DNAH9: variants seen among roughly 807,000 people sequenced by gnomAD.
The protein encoded by DNAH9 is dynein axonemal heavy chain 9.
DNAH9 carries 345 observed loss-of-function variants against 471.6 expected under a neutral mutation model. The observed-to-expected ratio is 0.73, with a 90% confidence interval of 0.67 to 0.80. The LOEUF (loss-of-function observed/expected upper bound fraction) is 0.80. Among genes scored for constraint, DNAH9 ranks in the 30% least tolerant of loss-of-function variants. The probability of loss-of-function intolerance (pLI) is 0.00; values close to 1 mark genes in which losing one functional copy is unlikely to be tolerated. For missense variants in DNAH9, 5,407 were observed against 5,609.2 expected (o/e 0.96, Z 1.15); for synonymous variants, 2,093 against 2,123.6 (o/e 0.99, Z 0.40).
intron 36 of DNAH9, among the ~76,000 whole-genome samples, chr17:11,764,369 T>G (rs952591744): frequency 7.2e-5 from 11 of 152,218 alleles, no homozygotes; most frequent in Admixed American, 3.9e-4. Flanking sequence ...TTAGGCATTA[T>G]TGTATGACAG....
At chr17:11,953,131 G>A (rs1312978649) in intron 67 of DNAH9, among the ~76,000 whole-genome samples, 1 of 152,154 alleles carries the variant, frequency 6.6e-6, no homozygotes, top group African/African-American at 2.4e-5. Context: ...TTCCAATACA[G>A]TCACATGGAG....
At chr17:11,662,733 C>T (rs767152374) in intron 14 of DNAH9, among the ~76,000 whole-genome samples, 47 of 144,186 alleles carry the variant, frequency 3.3e-4, no homozygotes, top group Non-Finnish European at 9.0e-5. Flanking sequence ...TCACCTTGAT[C>T]CTGTTGAGGC....
chr17:11,916,294 T>C (rs1469586939), intron 61 of DNAH9, among the ~76,000 whole-genome samples: 1 of 152,176 alleles, frequency 6.6e-6, no homozygotes, highest in Admixed American at 6.5e-5. Flanking sequence ...GGGTTGTTTG[T>C]CTCAGAATAC....
In DNAH9 at chr17:11,669,550, C is replaced by G; in HGVS notation, c.3109C>G (p.Pro1037Ala). 1 of 1,614,146 alleles carries G rather than the reference C, an allele frequency of 6.2e-7. No homozygotes were observed. Among genetic ancestry groups the G allele is most frequent in the Non-Finnish European group, 8.5e-7 (1 of 1,180,030 alleles). Residue 1037 changes from proline to alanine, a missense_variant, in exon 17 of 69, where the codon CCG becomes GCG. By Grantham distance (27) the Pro-to-Ala change is conservative. Transcript: ENST00000262442. ...TCTGCTGTACGGGCACATCCTCACT[C>G]CGGAAGAAATTGAAGACCATGTGGA... ...QFLLYGHILT[P>A]EEIEDHVEDG...
rs191329008 is a variant in DNAH9, at chr17:11,923,735, C to T, written c.11750-79C>T. 54 of 1,555,348 alleles carry T rather than the reference C, an allele frequency of 3.5e-5. 1 individual carries two copies. The Admixed American group carries it at 4.0e-4, about 12-fold the overall frequency. ...GCCCGTGTTTGAGGGGTGATCTGAG[C>T]GTGTGCATTTCCTTATGAACATCAA... On this transcript the variant is annotated intron_variant, in intron 61 of 68. Coordinates refer to ENST00000262442, the MANE Select transcript of DNAH9 (RefSeq NM_001372.4).
At chr17:11,738,540 C>T (rs1044744377) in intron 28 of DNAH9, among the ~76,000 whole-genome samples, 19 of 152,122 alleles carry the variant, frequency 1.2e-4, no homozygotes, top group African/African-American at 4.3e-4. Flanking sequence ...ACCACCATAC[C>T]CGGCTGATTT....
Position 11,937,365 on chromosome 17 carries a change from A to G in DNAH9, c.12503A>G (p.Glu4168Gly), listed in dbSNP as rs751524267. The G allele has an allele frequency of 1.6e-5, 25 of 1,609,536 alleles. No homozygotes were observed. Among genetic ancestry groups the G allele is most frequent in the Non-Finnish European group, 2.0e-5 (24 of 1,178,138 alleles). The change falls in exon 66 of 69, where the codon GAG becomes GGG. Residue 4168 changes from glutamate to glycine, a missense_variant. Glu to Gly is a moderately conservative substitution (Grantham distance 98, BLOSUM62 -2). This residue lies in a region of DNAH9 where 4,636 missense variants were observed against 4,900.3 expected (regional missense o/e 0.95). Transcript: ENST00000262442. The surrounding 1 kb of genome is among the most constrained non-coding windows in gnomAD (Gnocchi z 4.1). ...CTTGATTTTCAGTACATCGATGCTGAGCTGCCCCCAGAATCCCCCTACCTC... is the reference window on the plus strand; with the variant it reads ...CTTGATTTTCAGTACATCGATGCTGGGCTGCCCCCAGAATCCCCCTACCTC... ...YNGYHQYIDA[E>G]LPPESPYLYG...
chr17:11,927,010 G>A (rs1035870439), intron 62 of DNAH9, among the ~76,000 whole-genome samples: 16 of 152,194 alleles, frequency 1.1e-4, no homozygotes, highest in Non-Finnish European at 2.2e-4. Flanking sequence ...AATGATCAAC[G>A]ATGTTGAGCT....
At chr17:11,639,186 G>A (rs1008595199) in intron 9 of DNAH9, among the ~76,000 whole-genome samples, 1 of 152,184 alleles carries the variant, frequency 6.6e-6, no homozygotes, top group African/African-American at 2.4e-5. Context: ...ATTATGCAAG[G>A]GTGAGGGTCA....
At position 11,894,394 on chromosome 17, in the gene DNAH9, A is replaced by C. The variant is rs1224189372; in HGVS notation, c.11304A>C (p.Glu3768Asp). Residue 3768 changes from glutamate to aspartate, a missense_variant, in exon 59 of 69, where the codon GAA becomes GAC. Glu to Asp is a conservative substitution (Grantham distance 45, BLOSUM62 2). Around this residue, in one of 3 missense-constraint regions of DNAH9, gnomAD observed 4,636 missense variants for 4,900.3 expected, o/e 0.95. Coordinates refer to ENST00000262442, the MANE Select transcript of DNAH9 (RefSeq NM_001372.4). ...TGCAGATTCTCCTCATGAACCGAGA[A>C]GTCAATGCAGTGGAGTTGGATTTCC... The part of the protein sequence containing the change: ...LTFQILLMNR[E>D]VNAVELDFLL... The C allele has an allele frequency of 6.2e-7, 1 of 1,614,080 alleles. No individual in the cohort carries two copies. The highest frequency in any genetic ancestry group is 1.3e-5 in the African/African-American group (1 of 74,942).
chr17:11,812,963 C>T (rs1046222865), intron 45 of DNAH9, among the ~76,000 whole-genome samples: 3 of 152,174 alleles, frequency 2.0e-5, no homozygotes, highest in Non-Finnish European at 4.4e-5. Context: ...TTAGAGATGT[C>T]GGGCGTGTTG....
intron 52 of DNAH9, among the ~76,000 whole-genome samples, 178 bp from the exon 53 acceptor site, chr17:11,874,771 A>G (rs1019379251): frequency 6.6e-6 from 1 of 151,830 alleles, no homozygotes; most frequent in Non-Finnish European, 1.5e-5. Context: ...AAAAAAAGCT[A>G]TCAGGACTTT....
At chr17:11,771,500 C>G (rs753685946) in intron 38 of DNAH9, among the ~76,000 whole-genome samples, 51 of 152,172 alleles carry the variant, frequency 3.4e-4, no homozygotes, top group Admixed American at 9.2e-4. Flanking sequence ...ATAATCAGCT[C>G]CAATAAACCA....
rs376024335 is a variant in DNAH9, at chr17:11,769,269, G to A, written c.7492G>A (p.Glu2498Lys). The A allele has an allele frequency of 9.9e-6, 16 of 1,614,072 alleles. No individual in the cohort carries two copies. Among genetic ancestry groups the A allele is most frequent in the Admixed American group, 5.0e-5 (3 of 59,990 alleles). ...AGCTAAGCTGGCCAGCCTTGACCCC[G>A]AGGCATACCTGGTGAAAAACGTGCC... is the stretch of plus-strand genomic sequence containing the variant. Reference protein sequence around the residue: ...VGAKLASLDPEAYLVKNVPFN... With the variant: ...VGAKLASLDPKAYLVKNVPFN... The change falls in exon 38 of 69, where the codon GAG (glutamate) becomes AAG (lysine). Residue 2498 changes from glutamate (E) to lysine (K), a missense_variant. Glu to Lys is a moderately conservative substitution (Grantham distance 56, BLOSUM62 1). This residue lies in a region of DNAH9 where 4,636 missense variants were observed against 4,900.3 expected (regional missense o/e 0.95). Transcript: ENST00000262442.
chr17:11,654,465 C>A, intron 14 of DNAH9, among the ~76,000 whole-genome samples: 1 of 151,198 alleles, frequency 6.6e-6, no homozygotes, highest in Non-Finnish European at 1.5e-5. Flanking sequence ...ATGCTCAAAT[C>A]CATGCTCTTG....
At chr17:11,938,351 C>T (rs1470971308) in intron 66 of DNAH9, among the ~76,000 whole-genome samples, 8 of 151,498 alleles carry the variant, frequency 5.3e-5, no homozygotes, top group African/African-American at 9.7e-5. Context: ...CCCAGCTACT[C>T]GGGAGACTGA....
chr17:11,957,246 A>C (rs768999458), intron 67 of DNAH9, among the ~76,000 whole-genome samples: 1 of 152,290 alleles, frequency 6.6e-6, no homozygotes, highest in Middle Eastern at 3.4e-3. Flanking sequence ...GTGTTTAAAA[A>C]ATTGAATTCA....
At chr17:11,923,164 C>T (rs1974192684) in intron 61 of DNAH9, among the ~76,000 whole-genome samples, 1 of 152,172 alleles carries the variant, frequency 6.6e-6, no homozygotes, top group Non-Finnish European at 1.5e-5. Context: ...CAACCTCCGC[C>T]TCCTGGGTTC....
intron 53 of DNAH9, among the ~76,000 whole-genome samples, chr17:11,876,379 T>TAC (rs1223954749): frequency 2.0e-5 from 3 of 152,080 alleles, no homozygotes; most frequent in African/African-American, 4.8e-5. Context: ...ATAGCTTATG[T>TAC]ACCCCATAAA....
Sources: gnomAD v4.1 joint callset for allele counts (sites outside exome capture counted in the v4.1 genomes callset) on GRCh38, gnomAD v4.1.1 for gene constraint, gnomAD v4.1.1 regional missense constraint, Gnocchi (gnomAD v3.1) non-coding constraint, MANE v1.5 for transcripts, NCBI Gene and HGNC (gene_info 2026-07-23, HGNC 2026-07-21) for gene names.